SBF2: variants seen among roughly 807,000 people sequenced by gnomAD.
SBF2 encodes the protein myotubularin-related protein 13.
SBF2 carries 112 observed loss-of-function variants against 225.2 expected under a neutral mutation model. The observed-to-expected ratio is 0.50, with a 90% CI of 0.43 to 0.58. The LOEUF is 0.58. Ranked by LOEUF, SBF2 falls within the 20% of genes least tolerant of loss-of-function variation. The pLI is 0.00. For synonymous variants in SBF2, 763 were observed against 773.3 expected, an observed-to-expected ratio of 0.99 and a Z score of 0.22; for missense variants, 1,996 against 2,206.2, an observed-to-expected ratio of 0.90 and a Z score of 1.91.
chr11:9,977,409 C>T (rs1241850896), intron 13 of SBF2, among the ~76,000 whole-genome samples: 1 of 151,756 alleles, frequency 6.6e-6, no homozygotes, highest in Non-Finnish European at 1.5e-5. Context: ...ATTGCTTGAA[C>T]CTAGGAGGTC....
rs938645543 is a variant in SBF2, at chr11:10,167,955, T to C, written c.141+25947A>G. ...ATCACTTGAGTCCCGGAGGTGGAGG[T>C]TGTGGTGAGTAGAGATCGTGCCACT... On this transcript the variant is annotated intron_variant, in intron 2 of 39. Coordinates refer to ENST00000256190, the MANE Select transcript of SBF2 (RefSeq NM_030962.4). Among the ~76,000 whole-genome samples the C allele has an allele frequency of 2.6e-5, 4 of 152,112 alleles. No homozygotes were observed. The South Asian group carries it at 6.2e-4, about 24-fold the overall frequency.
At chr11:10,098,709 AC>A in intron 2 of SBF2, among the ~76,000 whole-genome samples, 1 of 151,326 alleles carries the variant, frequency 6.6e-6, no homozygotes, top group Non-Finnish European at 1.5e-5. Context: ...ACACACACAC[AC>A]ACACACACAC....
rs1338042375 is a variant in SBF2 at position 9,989,705 on chromosome 11, TTTTTAAAACAAAATATTTCAGG to T, written c.1297-132_1297-111del. 283 of 678,268 alleles carry T rather than the reference TTTTTAAAACAAAATATTTCAGG, an allele frequency of 4.2e-4. No homozygotes were observed. The African/African-American group carries it at 4.5e-3, about 11-fold the overall frequency. 42.0% of individuals were successfully genotyped at this position (678,268 alleles called of 1,614,324 possible). A position where few individuals can be genotyped will look rare whatever the true frequency, so the allele number is the denominator to read the frequency against. The stretch of plus-strand genomic sequence containing the variant: ...CCAAAAAAATCCAACATATACATTA[TTTTTAAAACAAAATATTTCAGG>T]TTTTGGGGTTTCACCTCCATTCTGG... On this transcript the variant is annotated intron_variant, in intron 12 of 39. Transcript: ENST00000256190.
At chr11:9,829,222 C>G in intron 28 of SBF2, 134 bp downstream of exon 28, 1 of 973,794 alleles carries the variant, frequency 1.0e-6, no homozygotes, top group Non-Finnish European at 1.6e-6. Flanking sequence ...AACTTATAAC[C>G]CTTCAGGGTA....
intron 2 of SBF2, among the ~76,000 whole-genome samples, chr11:10,119,751 C>T (rs981905360): frequency 1.3e-5 from 2 of 152,128 alleles, no homozygotes; most frequent in African/African-American, 2.4e-5. Flanking sequence ...CATAAAAAAA[C>T]CACCTACCTA....
intron 1 of SBF2, among the ~76,000 whole-genome samples, chr11:10,256,369 T>C (rs1960867882): frequency 6.6e-6 from 1 of 152,188 alleles, no homozygotes; most frequent in South Asian, 2.1e-4. Flanking sequence ...ACATTGAAAT[T>C]CCCTAAGAAA....
intron 19 of SBF2, among the ~76,000 whole-genome samples, chr11:9,854,646 G>C (rs1857189106): frequency 6.6e-6 from 1 of 152,170 alleles, no homozygotes; most frequent in East Asian, 1.9e-4. Context: ...GTGCAGCGAT[G>C]CTAGCTGTAA....
chr11:10,028,853 C>T (rs1487412119), intron 5 of SBF2, among the ~76,000 whole-genome samples: 3 of 151,986 alleles, frequency 2.0e-5, no homozygotes, highest in Admixed American at 1.3e-4. Context: ...TTAATAAAGG[C>T]TCATAAAGCA....
rs181528950 is a variant in SBF2, at chr11:10,259,216, G to C, written c.55+34799C>G. Among the ~76,000 whole-genome samples the C allele has an allele frequency of 3.0e-3, 454 of 152,300 alleles. 4 individuals are homozygous for C. Among genetic ancestry groups the C allele is most frequent in the African/African-American group, 0.011 (445 of 41,566 alleles). On this transcript the variant is annotated intron_variant, in intron 1 of 39. Coordinates refer to ENST00000256190, the MANE Select transcript of SBF2 (RefSeq NM_030962.4). ...AGGTGTTAAGAGCACAGGTTGTAGA[G>C]TTAGAATACTTGTAATTAAGCCCAC...
chr11:10,172,683 T>C (rs886157100), intron 2 of SBF2, among the ~76,000 whole-genome samples: 1 of 152,036 alleles, frequency 6.6e-6, no homozygotes, highest in South Asian at 2.1e-4. Flanking sequence ...TTCTTTTTTT[T>C]TGAGATGGCG....
At chr11:9,825,511 A>C (rs760336427) in intron 28 of SBF2, among the ~76,000 whole-genome samples, 13 of 152,234 alleles carry the variant, frequency 8.5e-5, no homozygotes, top group Non-Finnish European at 1.8e-4. Context: ...CACTCATTGG[A>C]AAGATGACTC....
At chr11:10,059,678 C>T (rs1038012139) in intron 2 of SBF2, among the ~76,000 whole-genome samples, 1 of 152,258 alleles carries the variant, frequency 6.6e-6, no homozygotes, top group Admixed American at 6.5e-5. Flanking sequence ...ATACCAAACA[C>T]ACTCTTGGAC....
At chr11:9,900,044 T>TAAA (rs1347991488) in intron 16 of SBF2, among the ~76,000 whole-genome samples, 2,182 of 140,398 alleles carry the variant, frequency 0.016, 49 homozygotes, top group African/African-American at 0.038. Context: ...TTTTTTTTTT[T>TAAA]AAAAAAAAAA....
intron 13 of SBF2, among the ~76,000 whole-genome samples, chr11:9,980,985 A>C (rs559497157): frequency 3.3e-5 from 5 of 152,234 alleles, no homozygotes; most frequent in Non-Finnish European, 7.3e-5. Context: ...TTATTCCCTC[A>C]AAGAAAGATC....
At chr11:9,977,493 A>G (rs538941673) in intron 13 of SBF2, among the ~76,000 whole-genome samples, 3 of 83,760 alleles carry the variant, frequency 3.6e-5, no homozygotes, top group Non-Finnish European at 5.2e-5. Flanking sequence ...TCTCTTTAAG[A>G]AAAAAAAAAA....
chr11:9,839,183 A>G (rs1590192806), intron 26 of SBF2: 2 of 375,644 alleles, frequency 5.3e-6, no homozygotes, highest in African/African-American at 2.1e-5. Flanking sequence ...CATGTCCTCT[A>G]TTGGGCTGGG....
chr11:9,828,518 C>A, intron 28 of SBF2: 1 of 985,428 alleles, frequency 1.0e-6, no homozygotes, highest in Non-Finnish European at 1.2e-6. Flanking sequence ...TTATGTTGAG[C>A]TAATTCAAAT....
rs749999721 is a variant in SBF2, at chr11:9,968,466, G to A, written c.1475C>T (p.Pro492Leu). 1.2e-6 allele frequency: 2 copies of A among 1,614,042 alleles called. No individual in the cohort carries two copies. Among genetic ancestry groups the A allele is most frequent in the Non-Finnish European group, 1.7e-6 (2 of 1,179,950 alleles). The change falls in exon 14 of 40, where the codon CCT becomes CTT. Residue 492 changes from proline to leucine, a missense_variant. Transcript: ENST00000256190. ...CCGGGCTTCATTAATCTCTGGGAAA[G>A]GAAGAATATGAACTCGCAAATGGGA... is the stretch of plus-strand genomic sequence containing the variant. ...EGSHLRVHIL[P>L]FPEINEARVQ...
intron 1 of SBF2, among the ~76,000 whole-genome samples, chr11:10,210,796 T>C (rs2135381430): frequency 6.6e-6 from 1 of 152,000 alleles, no homozygotes; most frequent in African/African-American, 2.4e-5. Context: ...GTGGATCACC[T>C]GAGATCAGGA....
Sources: allele counts gnomAD v4.1 joint callset (sites outside exome capture counted in the v4.1 genomes callset), GRCh38; gene constraint gnomAD v4.1.1; transcripts MANE v1.5; gene names NCBI Gene and HGNC (gene_info 2026-07-23, HGNC 2026-07-21).